DAGLA: variants seen among roughly 807,000 people sequenced by gnomAD.
DAGLA encodes diacylglycerol lipase alpha, also known as diacylglycerol lipase-alpha.
A neutral mutation model predicts 102.6 loss-of-function variants in DAGLA; 22 were observed. The ratio of observed to expected loss-of-function variants is 0.21; its 90% CI spans 0.15 to 0.31. The LOEUF is 0.31. Among genes scored for constraint, DAGLA ranks in the 10% least tolerant of loss-of-function variants. The probability of loss-of-function intolerance (pLI) is 1.00; values close to 1 mark genes in which losing one functional copy is unlikely to be tolerated. For synonymous variants in DAGLA, 578 were observed against 628.9 expected, an observed-to-expected ratio of 0.92 and a Z score of 1.21; for missense variants, 927 against 1,446.6, an observed-to-expected ratio of 0.64 and a Z score of 5.83.
At chr11:61,737,971 C>T (rs1338192784) in intron 15 of DAGLA, among the ~76,000 whole-genome samples, 164 bp from the exon 16 acceptor site, 2 of 152,186 alleles carry the variant, frequency 1.3e-5, no homozygotes, top group African/African-American at 4.8e-5. Context: ...CTCAGCTCTG[C>T]TCTGGGGAGC....
At chr11:61,711,586 G>A (rs568471628) in intron 1 of DAGLA, among the ~76,000 whole-genome samples, 2 of 152,306 alleles carry the variant, frequency 1.3e-5, no homozygotes, top group South Asian at 2.1e-4. Flanking sequence ...CTCACTTCCC[G>A]CTCCCCAGCA....
intron 1 of DAGLA, among the ~76,000 whole-genome samples, chr11:61,706,988 G>A (rs938453613): frequency 6.6e-6 from 1 of 152,252 alleles, no homozygotes; most frequent in Non-Finnish European, 1.5e-5. Context: ...TGGAGTTACA[G>A]CAGCTTCACT....
chr11:61,733,565 G>T (rs1238471367), intron 9 of DAGLA, among the ~76,000 whole-genome samples: 1 of 152,234 alleles, frequency 6.6e-6, no homozygotes, highest in Non-Finnish European at 1.5e-5. Context: ...AGTCACGTGG[G>T]CTCCAGCGTC....
At chr11:61,685,859 C>G (rs901155369) in intron 1 of DAGLA, among the ~76,000 whole-genome samples, 3 of 151,896 alleles carry the variant, frequency 2.0e-5, no homozygotes, top group African/African-American at 7.3e-5. Context: ...AACTGCTGCC[C>G]GTCTGTTGTG....
intron 5 of DAGLA, among the ~76,000 whole-genome samples, chr11:61,724,977 G>A (rs963287204): frequency 4.6e-5 from 7 of 152,128 alleles, no homozygotes; most frequent in Admixed American, 4.6e-4. Context: ...ATGAAGCCAG[G>A]GTTGGAGAGC....
intron 1 of DAGLA, among the ~76,000 whole-genome samples, chr11:61,709,051 C>T (rs1311423813): frequency 6.6e-6 from 1 of 152,168 alleles, no homozygotes. Context: ...TTTTGCCCTC[C>T]TGGCTCAGGC....
At chr11:61,716,737 G>A (rs1189357635) in intron 1 of DAGLA, among the ~76,000 whole-genome samples, 1 of 152,220 alleles carries the variant, frequency 6.6e-6, no homozygotes, top group Non-Finnish European at 1.5e-5. Flanking sequence ...GGTTTTTAAA[G>A]TAGGGGGCAG....
At chr11:61,728,321 C>T in intron 7 of DAGLA, 34 bp downstream of exon 7, 2 of 1,601,130 alleles carry the variant, frequency 1.2e-6, no homozygotes, top group African/African-American at 1.3e-5. Context: ...CAGGTCACCT[C>T]TCCACACCAC....
At chr11:61,727,780 C>G (rs1047081910) in intron 6 of DAGLA, among the ~76,000 whole-genome samples, 3 of 152,208 alleles carry the variant, frequency 2.0e-5, no homozygotes, top group African/African-American at 7.2e-5. Flanking sequence ...GGTTTCTGTG[C>G]TGGAGAGAAT....
intron 1 of DAGLA, among the ~76,000 whole-genome samples, chr11:61,695,505 T>G (rs2065057999): frequency 1.3e-5 from 2 of 152,140 alleles, no homozygotes; most frequent in South Asian, 2.1e-4. Flanking sequence ...GAGCTTCTTG[T>G]CTGGGAGCTT....
At position 61,744,355 on chromosome 11, in the gene DAGLA, G is replaced by A; in HGVS notation, c.2995G>A (p.Glu999Lys). The A allele has an allele frequency of 6.2e-7, 1 of 1,612,578 alleles. No homozygotes were observed. Among genetic ancestry groups the A allele is most frequent in the Non-Finnish European group, 8.5e-7 (1 of 1,179,746 alleles). ...CTCCTTCCCGCTCAGCTCCTCGGGT[G>A]AGCTCATGGACCTGACGCCCACGGG... ...SPSFPLSSSG[E>K]LMDLTPTGLS... The change falls in exon 20 of 20, where the codon GAG becomes AAG. Residue 999 changes from glutamate (E) to lysine (K), a missense_variant. Physicochemically the swap from Glu to Lys is moderately conservative, Grantham distance 56. Coordinates refer to ENST00000257215, the MANE Select transcript of DAGLA (RefSeq NM_006133.3).
intron 15 of DAGLA, 135 bp downstream of exon 15, chr11:61,737,890 C>G (rs1055295143): frequency 1.2e-6 from 1 of 827,732 alleles, no homozygotes. Flanking sequence ...CCTCCCCACC[C>G]TTAGTTGCCC....
chr11:61,728,333 CT>C, intron 7 of DAGLA, 46 bp downstream of exon 7: 1 of 1,596,608 alleles, frequency 6.3e-7, no homozygotes, highest in Non-Finnish European at 8.5e-7. Flanking sequence ...CCACACCACC[CT>C]TCTTTCAGGC....
rs141895020 is a variant in DAGLA, at chr11:61,744,582, G to C, written c.*93G>C. Reference sequence around the variant, plus strand: ...CCCCTGCCGGGCAGCTTTAAGGACAGACCCCCAGGGGCAGTTTAGCCTCAG... The same window carrying C: ...CCCCTGCCGGGCAGCTTTAAGGACACACCCCCAGGGGCAGTTTAGCCTCAG... On this transcript the variant is annotated 3_prime_UTR_variant, in exon 20 of 20. Transcript: ENST00000257215. 1.7e-5 allele frequency: 19 copies of C among 1,108,232 alleles called. No homozygotes were observed. The African/African-American group carries it at 2.7e-4, about 16-fold the overall frequency. 68.6% of individuals were successfully genotyped at this position (1,108,232 alleles called of 1,614,324 possible). A position where few individuals can be genotyped will look rare whatever the true frequency, so the allele number is the denominator to read the frequency against.
chr11:61,740,653 C>G, intron 18 of DAGLA, 61 bp downstream of exon 18: 1 of 1,584,086 alleles, frequency 6.3e-7, no homozygotes, highest in Non-Finnish European at 8.6e-7. Context: ...CATCAGAACC[C>G]CGTAAGCACC....
At chr11:61,705,179 C>T (rs1005965353) in intron 1 of DAGLA, among the ~76,000 whole-genome samples, 1 of 152,214 alleles carries the variant, frequency 6.6e-6, no homozygotes, top group Non-Finnish European at 1.5e-5. Context: ...CCCCTCTGCC[C>T]GCCCAATTGC....
At chr11:61,728,095 CCT>C in intron 6 of DAGLA, 56 bp from the exon 7 acceptor site, 1 of 1,596,690 alleles carries the variant, frequency 6.3e-7, no homozygotes, top group East Asian at 2.2e-5. Flanking sequence ...TTACTCCTGG[CCT>C]CTCGTCCTCT....
At chr11:61,699,523 G>A (rs11820223) in intron 1 of DAGLA, among the ~76,000 whole-genome samples, 52 of 152,312 alleles carry the variant, frequency 3.4e-4, no homozygotes, top group African/African-American at 7.9e-4. Context: ...GGCCATGTGC[G>A]GTGGGCATCC....
chr11:61,740,443 T>A lies in DAGLA; in HGVS notation c.1854-20T>A. 1 of 1,611,322 alleles carries A rather than the reference T, an allele frequency of 6.2e-7. No individual in the cohort carries two copies. The highest frequency in any genetic ancestry group is 8.5e-7 in the Non-Finnish European group (1 of 1,178,608). On this transcript the variant is annotated intron_variant, in intron 17 of 19. Transcript: ENST00000257215. ...GCCACCACCCCACCCTTAACTCCCC[T>A]CTGTCCATGTCCCTCTCAGCTGCTG...
Sources: allele counts gnomAD v4.1 joint callset (sites outside exome capture counted in the v4.1 genomes callset), GRCh38; gene constraint gnomAD v4.1.1; transcripts MANE v1.5; gene names NCBI Gene and HGNC (gene_info 2026-07-23, HGNC 2026-07-21).